Variants in MYH15 observed in about 807,000 individuals in gnomAD.
The protein encoded by MYH15 is myosin heavy chain 15.
In MYH15, 227 loss-of-function variants were observed where a neutral mutation model predicts 240.5. The observed-to-expected ratio is 0.94, with a 90% CI of 0.85 to 1.05. MYH15 has a LOEUF of 1.05. MYH15 is among the 50% of genes least tolerant of loss of function. The pLI is 0.00. For synonymous variants in MYH15, 785 were observed against 796.7 expected (o/e 0.99, Z 0.25); for missense variants, 2,217 against 2,247.5 (o/e 0.99, Z 0.27).
chr3:108,490,283 A>T (rs1390307331), intron 9 of MYH15, among the ~76,000 whole-genome samples: 1 of 152,216 alleles, frequency 6.6e-6, no homozygotes, highest in Non-Finnish European at 1.5e-5. Flanking sequence ...AGGGTACTTT[A>T]AAAACCAAGT....
rs747461461 is a variant in MYH15 at position 108,498,122 on chromosome 3, G to T, written c.548C>A (p.Thr183Asn). Reference protein sequence around the residue: ...LFTGESGAGKTVNSKHIIQYF... With the variant: ...LFTGESGAGKNVNSKHIIQYF... ...CTGGATAATATGTTTGCTGTTCACA[G>T]TCTTTCCAGCACCAGATTCTCCTCT... Residue 183 changes from threonine (T) to asparagine (N), a missense_variant, in exon 6 of 41, where the codon ACT (threonine) becomes AAT (asparagine). Transcript: ENST00000693548. 1.2e-6 allele frequency: 2 copies of T among 1,614,064 alleles called. No homozygotes were observed. The highest frequency in any genetic ancestry group is 1.7e-6 in the Non-Finnish European group (2 of 1,179,944).
intron 6 of MYH15, among the ~76,000 whole-genome samples, chr3:108,496,528 T>C (rs1024032872): frequency 6.6e-6 from 1 of 152,208 alleles, no homozygotes; most frequent in Non-Finnish European, 1.5e-5. Context: ...TAATAATTTG[T>C]GGATTTATAA....
chr3:108,462,190 G>A (rs547821058), intron 16 of MYH15, among the ~76,000 whole-genome samples: 1 of 152,260 alleles, frequency 6.6e-6, no homozygotes, highest in South Asian at 2.1e-4. Context: ...CCCTCTGTAT[G>A]TAGTTAGCAT....
At chr3:108,522,367 C>A (rs1441709638) in intron 1 of MYH15, among the ~76,000 whole-genome samples, 6 of 152,086 alleles carry the variant, frequency 3.9e-5, no homozygotes, top group African/African-American at 1.2e-4. Flanking sequence ...ATTATTATAA[C>A]CCCAGAAATG....
chr3:108,414,201 T>C (rs779460758), intron 30 of MYH15, 31 bp downstream of exon 30: 1 of 1,596,478 alleles, frequency 6.3e-7, no homozygotes. Flanking sequence ...TGTGAGTAAC[T>C]CCAGGTTAAG....
chr3:108,447,195 G>T (rs2082935551), intron 21 of MYH15, among the ~76,000 whole-genome samples: 1 of 151,976 alleles, frequency 6.6e-6, no homozygotes, highest in Admixed American at 6.6e-5. Context: ...AAAAACAAAT[G>T]AAAAGAATGA....
chr3:108,510,465 T>C lies in MYH15; in HGVS notation c.66A>G (p.Leu22=). ...CACCATCCAAGGCTGTGGCCTGTAGTAGAAGCAGCTCAGCTTCACTTCTTC... is the reference window on the plus strand; with the variant it reads ...CACCATCCAAGGCTGTGGCCTGTAGCAGAAGCAGCTCAGCTTCACTTCTTC... ...FLRRSEAELL[L]LQATALDGKK... The change falls in exon 1 of 41, where the codon CTA becomes CTG. Residue 22 remains leucine, a synonymous_variant. Coordinates refer to ENST00000693548, the MANE Select transcript of MYH15 (RefSeq NM_014981.3). 1.2e-6 allele frequency: 2 copies of C among 1,613,006 alleles called. No homozygotes were observed. Among genetic ancestry groups the C allele is most frequent in the Non-Finnish European group, 1.7e-6 (2 of 1,179,548 alleles).
chr3:108,504,884 C>T (rs1324561009), intron 2 of MYH15, among the ~76,000 whole-genome samples: 5 of 152,120 alleles, frequency 3.3e-5, no homozygotes, highest in African/African-American at 1.2e-4. Flanking sequence ...TAGCTTGTAC[C>T]CCAACACTTG....
chr3:108,416,978 T>G, intron 28 of MYH15, 48 bp from the exon 29 acceptor site: 1 of 1,410,040 alleles, frequency 7.1e-7, no homozygotes, highest in Non-Finnish European at 1.0e-6. Flanking sequence ...TTCCTATCTA[T>G]TGCCTCCTTC....
chr3:108,494,875 C>A (rs1169328326), intron 7 of MYH15, among the ~76,000 whole-genome samples: 1 of 151,784 alleles, frequency 6.6e-6, no homozygotes, highest in African/African-American at 2.4e-5. Context: ...TTAAAATGTT[C>A]TTTTTCTGTC....
intron 27 of MYH15, among the ~76,000 whole-genome samples, chr3:108,427,757 A>G (rs1214216590): frequency 6.6e-6 from 1 of 152,192 alleles, no homozygotes; most frequent in Non-Finnish European, 1.5e-5. Context: ...AAGATATTCT[A>G]CATTTTTCTA....
In MYH15 at chr3:108,498,100, G is replaced by A. The variant is rs1183877136; in HGVS notation, c.570C>T (p.Ile190=). The change falls in exon 6 of 41, where the codon ATC becomes ATT. Residue 190 remains isoleucine (I), a synonymous_variant. Transcript: ENST00000693548. ...TGGCTGCTATGGTGGCAAAATACTGGATAATATGTTTGCTGTTCACAGTCT... is the reference window on the plus strand; with the variant it reads ...TGGCTGCTATGGTGGCAAAATACTGAATAATATGTTTGCTGTTCACAGTCT... ...AGKTVNSKHI[I]QYFATIAAMI... 2.5e-6 allele frequency: 4 copies of A among 1,613,898 alleles called. No individual in the cohort carries two copies. In the African/African-American group the frequency reaches 5.3e-5, roughly 22 times the overall value.
chr3:108,381,498 A>T lies in MYH15; in HGVS notation c.*47T>A. 6.2e-7 allele frequency: 1 copy of T among 1,608,622 alleles called. No individual in the cohort carries two copies. The highest frequency in any genetic ancestry group is 2.2e-5 in the East Asian group (1 of 44,840). ...CCTAAGTTTTTGGCCATGAAACAGCACCTTCCTTGTACTTCTCCAGCTGTT... is the reference window on the plus strand; with the variant it reads ...CCTAAGTTTTTGGCCATGAAACAGCTCCTTCCTTGTACTTCTCCAGCTGTT... On this transcript the variant is annotated 3_prime_UTR_variant, in exon 41 of 41. Transcript: ENST00000693548.
upstream of MYH15, chr3:108,510,627 A>T: frequency 6.3e-7 from 1 of 1,582,114 alleles, no homozygotes; most frequent in Non-Finnish European, 8.6e-7. Context: ...AAAAAGTGGA[A>T]ATAAGGCATC....
intron 1 of MYH15, among the ~76,000 whole-genome samples, chr3:108,526,574 C>T (rs550513418): frequency 1.6e-4 from 24 of 151,840 alleles, no homozygotes; most frequent in African/African-American, 4.6e-4. Context: ...TGTGTTAAGA[C>T]CCCTGATAGT....
At chr3:108,477,589 T>C (rs1426489063) in intron 11 of MYH15, among the ~76,000 whole-genome samples, 1 of 152,190 alleles carries the variant, frequency 6.6e-6, no homozygotes, top group East Asian at 1.9e-4. Context: ...TTTCTATGTA[T>C]GTACTTGTGG....
chr3:108,495,187 A>AT (rs2083381167), intron 7 of MYH15, among the ~76,000 whole-genome samples: 1 of 152,216 alleles, frequency 6.6e-6, no homozygotes, highest in Non-Finnish European at 1.5e-5. Context: ...GCTCCCTGCC[A>AT]CTGATTCTTG....
upstream of MYH15, among the ~76,000 whole-genome samples, chr3:108,530,975 G>A (rs1248941531): frequency 6.6e-6 from 1 of 152,176 alleles, no homozygotes; most frequent in Non-Finnish European, 1.5e-5. Context: ...ACTTCAAGAT[G>A]AGCGCTATCA....
upstream of MYH15, among the ~76,000 whole-genome samples, chr3:108,533,483 A>C (rs988737252): frequency 6.6e-6 from 1 of 152,200 alleles, no homozygotes; most frequent in African/African-American, 2.4e-5. Flanking sequence ...AAATAAGAGA[A>C]TGTATAAAAA....
Sources: allele counts gnomAD v4.1 joint callset (sites outside exome capture counted in the v4.1 genomes callset), GRCh38; gene constraint gnomAD v4.1.1; transcripts MANE v1.5; gene names NCBI Gene and HGNC (gene_info 2026-07-23, HGNC 2026-07-21).